ZNF385D: variants seen among roughly 807,000 people sequenced by gnomAD.
ZNF385D encodes zinc finger protein 659.
A neutral mutation model predicts 35.8 loss-of-function variants in ZNF385D; 15 were observed. The observed-to-expected ratio is 0.42, with a 90% CI of 0.28 to 0.64. The LOEUF is 0.64. Ranked by LOEUF, ZNF385D falls within the 30% of genes least tolerant of loss-of-function variation. The pLI is 0.23. For missense variants in ZNF385D, 474 were observed against 494.6 expected, an observed-to-expected ratio of 0.96 and a Z score of 0.39; for synonymous variants, 212 against 186.8, an observed-to-expected ratio of 1.13 and a Z score of -1.10.
chr3:21,801,211 T>A (rs1368771729), intron 3 of ZNF385D, among the ~76,000 whole-genome samples: 1 of 152,164 alleles, frequency 6.6e-6, no homozygotes, highest in Non-Finnish European at 1.5e-5. Context: ...AATAAGCTGT[T>A]GGATTTGGTT....
intron 5 of ZNF385D, among the ~76,000 whole-genome samples, chr3:21,436,239 A>G (rs1701544580): frequency 6.6e-6 from 1 of 152,074 alleles, no homozygotes; most frequent in African/African-American, 2.4e-5. Context: ...ATATGGGTAT[A>G]TTGGGAGAGC....
At chr3:21,795,456 G>A (rs528396295) in intron 3 of ZNF385D, among the ~76,000 whole-genome samples, 1 of 152,356 alleles carries the variant, frequency 6.6e-6, no homozygotes, top group Admixed American at 6.5e-5. Flanking sequence ...GTAGCCGTGT[G>A]CAAAAGAAAA....
chr3:21,538,648 T>C (rs991699612), intron 3 of ZNF385D, among the ~76,000 whole-genome samples: 7 of 152,112 alleles, frequency 4.6e-5, no homozygotes, highest in African/African-American at 1.7e-4. Flanking sequence ...ACTGTGTTAC[T>C]TCCTAAACCT....
intron 3 of ZNF385D, among the ~76,000 whole-genome samples, chr3:21,935,966 C>T (rs768478148): frequency 6.6e-6 from 1 of 152,008 alleles, no homozygotes; most frequent in Non-Finnish European, 1.5e-5. Flanking sequence ...CTAAGTGCAA[C>T]AGAATAGGGG....
rs567767907 is a variant in ZNF385D at position 22,080,632 on chromosome 3, T to C, written c.325+88185A>G. On this transcript the variant is annotated intron_variant, in intron 3 of 5. Transcript: ENST00000494108. ...TACAAAATATACATTTCCGTATCCA[T>C]TTTATATATGAAATACTTCGATAAA... is the stretch of plus-strand genomic sequence containing the variant. Among the ~76,000 whole-genome samples, 34 of 152,106 alleles carry C rather than the reference T, an allele frequency of 2.2e-4. No individual in the cohort carries two copies. The South Asian group carries it at 4.1e-3, about 19-fold the overall frequency.
intron 3 of ZNF385D, among the ~76,000 whole-genome samples, chr3:21,535,305 C>G (rs2062012453): frequency 1.3e-5 from 2 of 152,068 alleles, no homozygotes; most frequent in South Asian, 4.2e-4. Context: ...TCTAGCACAC[C>G]TAATACATAA....
chr3:21,888,207 A>C (rs1283295525), intron 3 of ZNF385D, among the ~76,000 whole-genome samples: 1 of 152,188 alleles, frequency 6.6e-6, no homozygotes, highest in African/African-American at 2.4e-5. Flanking sequence ...AAAAATGTTC[A>C]TTAGGTGGTT....
chr3:22,230,320 C>CT (rs1698811356), intron 2 of ZNF385D, among the ~76,000 whole-genome samples: 1 of 152,280 alleles, frequency 6.6e-6, no homozygotes, highest in East Asian at 1.9e-4. Flanking sequence ...GAAAAGGTCC[C>CT]TTATGTACAG....
chr3:22,205,939 C>T (rs1697120616), intron 2 of ZNF385D, among the ~76,000 whole-genome samples: 1 of 151,976 alleles, frequency 6.6e-6, no homozygotes, highest in African/African-American at 2.4e-5. Flanking sequence ...ATGGACTAAA[C>T]TTCCCCATCA....
chr3:22,281,827 T>C (rs891387272), intron 2 of ZNF385D, among the ~76,000 whole-genome samples: 7 of 152,116 alleles, frequency 4.6e-5, no homozygotes, highest in South Asian at 2.1e-4. Flanking sequence ...TACCAATTGT[T>C]TGAATGTCTG....
intron 1 of ZNF385D, among the ~76,000 whole-genome samples, chr3:21,714,956 T>A (rs140306614): frequency 3.2e-4 from 48 of 152,328 alleles, no homozygotes; most frequent in African/African-American, 1.1e-3. Flanking sequence ...CCCGATGCCC[T>A]TGGCAAGAAC....
chr3:22,085,680 T>C (rs1014390991), intron 3 of ZNF385D, among the ~76,000 whole-genome samples: 5 of 150,976 alleles, frequency 3.3e-5, no homozygotes, highest in Non-Finnish European at 7.4e-5. Flanking sequence ...CTTCTGAAAG[T>C]ATTCCAAACC....
chr3:22,285,839 A>G (rs865781602), intron 2 of ZNF385D, among the ~76,000 whole-genome samples: 2 of 152,098 alleles, frequency 1.3e-5, no homozygotes, highest in Non-Finnish European at 2.9e-5. Flanking sequence ...TGTCCCTAAA[A>G]TATAGCTAGT....
At chr3:22,018,119 C>G (rs983714192) in intron 3 of ZNF385D, among the ~76,000 whole-genome samples, 1 of 151,488 alleles carries the variant, frequency 6.6e-6, no homozygotes, top group Non-Finnish European at 1.5e-5. Context: ...AAGTTAATTT[C>G]TATTCATAAG....
chr3:21,733,086 C>A (rs1237363806), intron 1 of ZNF385D, among the ~76,000 whole-genome samples: 1 of 151,364 alleles, frequency 6.6e-6, no homozygotes, highest in Non-Finnish European at 1.5e-5. Flanking sequence ...AGGTCTTTGT[C>A]TAAATTCATT....
chr3:22,010,693 A>C (rs1002044082), intron 3 of ZNF385D, among the ~76,000 whole-genome samples: 1 of 152,158 alleles, frequency 6.6e-6, no homozygotes, highest in African/African-American at 2.4e-5. Flanking sequence ...TCCCAGACTC[A>C]CCTCGCTCAG....
intron 3 of ZNF385D, among the ~76,000 whole-genome samples, chr3:22,110,280 A>G (rs1702444889): frequency 6.6e-6 from 1 of 151,956 alleles, no homozygotes; most frequent in East Asian, 1.9e-4. Flanking sequence ...CAGCCATCCC[A>G]TTACTGGGTA....
chr3:22,269,949 G>A (rs1701089122), intron 2 of ZNF385D, among the ~76,000 whole-genome samples: 1 of 151,716 alleles, frequency 6.6e-6, no homozygotes, highest in African/African-American at 2.4e-5. Flanking sequence ...TTTCTCCAGT[G>A]CTCTTTAGTA....
At chr3:22,349,650 G>T (rs551704039) in intron 2 of ZNF385D, among the ~76,000 whole-genome samples, 1 of 152,180 alleles carries the variant, frequency 6.6e-6, no homozygotes, top group South Asian at 2.1e-4. Flanking sequence ...TTTAAAAAAG[G>T]GAAGGCATAT....
Sources: allele counts gnomAD v4.1 joint callset (sites outside exome capture counted in the v4.1 genomes callset), GRCh38; gene constraint gnomAD v4.1.1; transcripts MANE v1.5; gene names NCBI Gene and HGNC (gene_info 2026-07-23, HGNC 2026-07-21).